PIAS1: variants seen among roughly 807,000 people sequenced by gnomAD.
The protein encoded by PIAS1 is protein inhibitor of activated STAT 1.
In PIAS1, 6 loss-of-function variants were observed where a neutral mutation model predicts 71.3. The observed-to-expected ratio is 0.08, with a 90% CI of 0.05 to 0.17. The LOEUF is 0.17. PIAS1 is among the 10% of genes least tolerant of loss of function. The pLI, the probability that PIAS1 is intolerant of heterozygous loss-of-function variation, is 1.00. For synonymous variants in PIAS1, 303 were observed against 292.9 expected (o/e 1.03, Z -0.35); for missense variants, 555 against 793.6 (o/e 0.70, Z 3.61).
chr15:68,062,016 T>A (rs921769666), intron 1 of PIAS1, among the ~76,000 whole-genome samples: 1 of 152,190 alleles, frequency 6.6e-6, no homozygotes. Context: ...AAATTATGTT[T>A]AAGATTTGTT....
rs1555433190 is a variant in PIAS1, at chr15:68,168,680, T to TA, written c.1008+3884dup. 5.0e-3 allele frequency among the ~76,000 whole-genome samples: 766 copies of TA among 152,266 alleles called. 2 individuals are homozygous for TA. Among genetic ancestry groups the TA allele is most frequent in the African/African-American group, 6.4e-3 (267 of 41,518 alleles). On this transcript the variant is annotated intron_variant, in intron 8 of 13. Coordinates refer to ENST00000249636, the MANE Select transcript of PIAS1 (RefSeq NM_016166.3). The stretch of plus-strand genomic sequence containing the variant: ...ATTATTTAGAATTTAGTGATTTTTT[T>TA]AAAAAAAATCAGGAATATGAGAATT...
At chr15:68,117,972 ATTATG>A (rs2092579583) in intron 2 of PIAS1, among the ~76,000 whole-genome samples, 1 of 152,144 alleles carries the variant, frequency 6.6e-6, no homozygotes, top group African/African-American at 2.4e-5. Context: ...TCCCACCATC[ATTATG>A]TTAAGGGTTC....
At chr15:68,096,918 GTA>G (rs2092380859) in intron 2 of PIAS1, among the ~76,000 whole-genome samples, 1 of 152,064 alleles carries the variant, frequency 6.6e-6, no homozygotes, top group South Asian at 2.1e-4. Context: ...TTGTGTGTGT[GTA>G]ATTGCTCTGG....
intron 7 of PIAS1, among the ~76,000 whole-genome samples, chr15:68,159,401 G>T (rs933841057): frequency 2.0e-5 from 3 of 152,066 alleles, no homozygotes; most frequent in African/African-American, 7.2e-5. Context: ...TCCTTTGACA[G>T]ATGTATACAA....
chr15:68,078,681 T>A (rs1359967189), intron 1 of PIAS1, among the ~76,000 whole-genome samples: 1 of 152,202 alleles, frequency 6.6e-6, no homozygotes, highest in Non-Finnish European at 1.5e-5. Flanking sequence ...GTAGTTACTG[T>A]GTGATTTTAG....
intron 8 of PIAS1, among the ~76,000 whole-genome samples, chr15:68,169,852 A>G (rs375030192): frequency 6.6e-6 from 1 of 152,208 alleles, no homozygotes; most frequent in African/African-American, 2.4e-5. Flanking sequence ...CCACAATCAT[A>G]TTGTGTAGAT....
intron 6 of PIAS1, among the ~76,000 whole-genome samples, chr15:68,152,611 G>T (rs1465677834): frequency 7.2e-5 from 11 of 152,102 alleles, no homozygotes; most frequent in African/African-American, 2.4e-4. Flanking sequence ...GTCTTAATAG[G>T]CCTTGTGCAA....
In PIAS1 at chr15:68,189,231, A is replaced by G. The variant is rs2093106959; in HGVS notation, c.*1396A>G. Reference sequence around the variant, plus strand: ...AGAAATATGAGTTGGAGGGAAGGAAAAGTGGTTCTACTAATGTTCCAAAAT... The same window carrying G: ...AGAAATATGAGTTGGAGGGAAGGAAGAGTGGTTCTACTAATGTTCCAAAAT... On this transcript the variant is annotated 3_prime_UTR_variant, in exon 14 of 14. Coordinates refer to ENST00000249636, the MANE Select transcript of PIAS1 (RefSeq NM_016166.3). The G allele has an allele frequency of 1.3e-5, 2 of 152,198 alleles. No homozygotes were observed. The allele number at this position is 152,198 out of a possible 1,614,324, so 9.4% of individuals were successfully genotyped here.
chr15:68,074,943 G>A (rs1245534316), intron 1 of PIAS1, among the ~76,000 whole-genome samples: 4 of 151,216 alleles, frequency 2.6e-5, no homozygotes, highest in African/African-American at 9.7e-5. Flanking sequence ...AGTTTTGTGA[G>A]TAGCTCATTT....
intron 1 of PIAS1, among the ~76,000 whole-genome samples, chr15:68,068,812 T>C (rs1343026655): frequency 6.6e-6 from 1 of 151,984 alleles, no homozygotes; most frequent in Admixed American, 6.6e-5. Context: ...CACGAAGAAG[T>C]TGAATCGTCA....
In PIAS1 at chr15:68,175,715, G is replaced by T; in HGVS notation, c.1248G>T (p.Met416Ile). 1 of 1,606,336 alleles carries T rather than the reference G, an allele frequency of 6.2e-7. No homozygotes were observed. Among genetic ancestry groups the T allele is most frequent in the South Asian group, 1.1e-5 (1 of 89,830 alleles). ...QFKEDGTWAP[M>I]RSKKEVQEVS... Reference sequence around the variant, plus strand: ...AGGAGGATGGCACTTGGGCACCGATGAGATCAAAAAAGGAAGTACAGGAAG... The same window carrying T: ...AGGAGGATGGCACTTGGGCACCGATTAGATCAAAAAAGGAAGTACAGGAAG... The change falls in exon 10 of 14, where the codon ATG (methionine) becomes ATT (isoleucine). Residue 416 changes from methionine (M) to isoleucine (I), a missense_variant. This residue lies in a region of PIAS1 where 244 missense variants were observed against 307.5 expected (regional missense o/e 0.79). Transcript: ENST00000249636.
intron 2 of PIAS1, among the ~76,000 whole-genome samples, chr15:68,088,656 A>G (rs189716154): frequency 1.3e-3 from 195 of 152,302 alleles, no homozygotes; most frequent in African/African-American, 4.4e-3. Context: ...TATTGGCTCA[A>G]TAAATATTTG....
Position 68,171,805 on chromosome 15 carries a change from T to A in PIAS1, c.1009-1927T>A, listed in dbSNP as rs1595787529. 6.6e-6 allele frequency among the ~76,000 whole-genome samples: 1 copy of A among 152,132 alleles called. No homozygotes were observed. The highest frequency in any genetic ancestry group is 1.5e-5 in the Non-Finnish European group (1 of 68,032). ...AATGACAGTTAATTTCCTGGTAGACTAGGAAATTTCACATTTCCCTGAAAT... is the reference window on the plus strand; with the variant it reads ...AATGACAGTTAATTTCCTGGTAGACAAGGAAATTTCACATTTCCCTGAAAT... On this transcript the variant is annotated intron_variant, in intron 8 of 13. Coordinates refer to ENST00000249636, the MANE Select transcript of PIAS1 (RefSeq NM_016166.3). The surrounding 1 kb of genome is among the most constrained non-coding windows in gnomAD (Gnocchi z 4.4).
In PIAS1 at chr15:68,054,508, G is replaced by T. The variant is rs2091872845; in HGVS notation, c.24+158G>T. ...GGCGCGCCCGGTCTCAGCAGAGGGG[G>T]CCCGCCTGCGGCGGGCCGCGGGCCC... On this transcript the variant is annotated intron_variant, in intron 1 of 13. Transcript: ENST00000249636. This position sits in a 1 kb window ranked among gnomAD's most constrained non-coding sequence, Gnocchi z 4.6. 9.1e-6 allele frequency: 6 copies of T among 660,630 alleles called. No homozygotes were observed. The highest frequency in any genetic ancestry group is 9.0e-4 in the Middle Eastern group (2 of 2,216). 40.9% of individuals were successfully genotyped at this position (660,630 alleles called of 1,614,324 possible). A position where few individuals can be genotyped will look rare whatever the true frequency, so the allele number is the denominator to read the frequency against.
intron 2 of PIAS1, among the ~76,000 whole-genome samples, chr15:68,107,402 A>AT (rs1208771486): frequency 6.6e-6 from 1 of 152,132 alleles, no homozygotes; most frequent in African/African-American, 2.4e-5. Context: ...AGTGTGTAAG[A>AT]TTGAGTTACC....
chr15:68,058,393 T>C (rs1260046136), intron 1 of PIAS1, among the ~76,000 whole-genome samples: 2 of 152,252 alleles, frequency 1.3e-5, no homozygotes, highest in African/African-American at 2.4e-5. Context: ...GAAAGGCAAG[T>C]AATAACTAAA....
intron 13 of PIAS1, chr15:68,184,691 TG>T (rs2093076009): frequency 6.6e-6 from 1 of 152,348 alleles, no homozygotes; most frequent in South Asian, 2.1e-4. Flanking sequence ...GAAGATTACT[TG>T]CCAGACAAAT....
chr15:68,079,425 G>T (rs11854599), intron 1 of PIAS1, among the ~76,000 whole-genome samples: 1 of 152,072 alleles, frequency 6.6e-6, no homozygotes, highest in South Asian at 2.1e-4. Flanking sequence ...TTAGAAATTT[G>T]CACTCTAAAT....
At chr15:68,135,157 C>A (rs1457539593) in intron 2 of PIAS1, among the ~76,000 whole-genome samples, 1 of 49,484 alleles carries the variant, frequency 2.0e-5, no homozygotes, top group African/African-American at 4.3e-5. Flanking sequence ...ACCCCCCCAC[C>A]TCCCTCCCGG....
Sources: allele counts gnomAD v4.1 joint callset (sites outside exome capture counted in the v4.1 genomes callset), GRCh38; gene constraint gnomAD v4.1.1; regional missense constraint gnomAD v4.1.1; non-coding constraint Gnocchi (gnomAD v3.1); transcripts MANE v1.5; gene names NCBI Gene and HGNC (gene_info 2026-07-23, HGNC 2026-07-21).